MSI2: variants seen among roughly 807,000 people sequenced by gnomAD.
The protein encoded by MSI2 is RNA-binding protein Musashi homolog 2.
A neutral mutation model predicts 45.6 loss-of-function variants in MSI2; 17 were observed. The ratio of observed to expected loss-of-function variants is 0.37; its 90% CI spans 0.26 to 0.56. MSI2 has a LOEUF of 0.56. Among genes scored for constraint, MSI2 ranks in the 20% least tolerant of loss-of-function variants. The probability of loss-of-function intolerance (pLI) is 0.77; values close to 1 mark genes in which losing one functional copy is unlikely to be tolerated. For missense variants in MSI2, 293 were observed against 444.2 expected (o/e 0.66, Z 3.06); for synonymous variants, 156 against 158.2 (o/e 0.99, Z 0.11).
chr17:57,464,801 C>T (rs550598570), intron 6 of MSI2, among the ~76,000 whole-genome samples: 7 of 152,336 alleles, frequency 4.6e-5, no homozygotes, highest in African/African-American at 1.7e-4. Flanking sequence ...CTGGCTTCAG[C>T]TTGGCCAGAA....
At chr17:57,442,028 A>G (rs540808667) in intron 6 of MSI2, among the ~76,000 whole-genome samples, 6 of 147,596 alleles carry the variant, frequency 4.1e-5, no homozygotes, top group Non-Finnish European at 5.9e-5. Flanking sequence ...GGTCCTGTAC[A>G]TCAACACAGC....
intron 5 of MSI2, among the ~76,000 whole-genome samples, chr17:57,341,179 T>C (rs1915114719): frequency 6.6e-6 from 1 of 151,998 alleles, no homozygotes; most frequent in Non-Finnish European, 1.5e-5. Context: ...GGAGGTCAAG[T>C]CAGGACAGAG....
intron 5 of MSI2, among the ~76,000 whole-genome samples, chr17:57,293,130 G>A (rs2143477606): frequency 6.6e-6 from 1 of 151,964 alleles, no homozygotes; most frequent in Admixed American, 6.5e-5. Flanking sequence ...AAAAAAGTCA[G>A]TCGACTTGGT....
In MSI2 at chr17:57,502,621, A is replaced by G. The variant is rs899240951; in HGVS notation, c.406-27055A>G. Reference sequence around the variant, plus strand: ...CTCTGAGATATATATATATATATATATATATATATATATATAGTCATCATT... The same window carrying G: ...CTCTGAGATATATATATATATATATGTATATATATATATATAGTCATCATT... On this transcript the variant is annotated intron_variant, in intron 6 of 13. Coordinates refer to ENST00000284073, the MANE Select transcript of MSI2 (RefSeq NM_138962.4). Among the ~76,000 whole-genome samples, 25 of 121,566 alleles carry G rather than the reference A, an allele frequency of 2.1e-4. 1 individual carries two copies. The highest frequency in any genetic ancestry group is 7.5e-4 in the African/African-American group (25 of 33,188). The allele number at this position is 121,566 out of a possible 152,430, so 79.8% of individuals were successfully genotyped here.
chr17:57,333,695 G>A (rs1054838319), intron 5 of MSI2, among the ~76,000 whole-genome samples: 4 of 151,644 alleles, frequency 2.6e-5, no homozygotes, highest in Admixed American at 1.3e-4. Context: ...GCTGGCCTCC[G>A]CCTCCCAAAG....
intron 7 of MSI2, among the ~76,000 whole-genome samples, chr17:57,570,000 C>T (rs895289870): frequency 6.6e-6 from 1 of 152,246 alleles, no homozygotes; most frequent in Admixed American, 6.5e-5. Context: ...CGAGCCACGG[C>T]TGACACACAC....
Position 57,612,535 on chromosome 17 carries a change from A to G in MSI2, c.538-3435A>G, listed in dbSNP as rs1396713479. 7.0e-5 allele frequency among the ~76,000 whole-genome samples: 2 copies of G among 28,374 alleles called. 1 individual carries two copies. Among genetic ancestry groups the G allele is most frequent in the African/African-American group, 1.7e-4 (2 of 11,844 alleles). 18.6% of individuals were successfully genotyped at this position (28,374 alleles called of 152,430 possible). On this transcript the variant is annotated intron_variant, in intron 8 of 13. Coordinates refer to ENST00000284073, the MANE Select transcript of MSI2 (RefSeq NM_138962.4). ...CAGGCCAGGGTCCCCTGGAGAGTGT[A>G]TGCGCCATGGCCCCTGGCCTTGGGG...
intron 5 of MSI2, among the ~76,000 whole-genome samples, chr17:57,314,105 G>T (rs1340104912): frequency 2.0e-5 from 3 of 152,098 alleles, no homozygotes; most frequent in African/African-American, 7.2e-5. Context: ...CTCCCTCCGT[G>T]GCTTCTAGAT....
intron 7 of MSI2, among the ~76,000 whole-genome samples, chr17:57,589,448 G>A (rs1904618383): frequency 1.3e-5 from 2 of 152,218 alleles, no homozygotes; most frequent in Admixed American, 6.5e-5. Flanking sequence ...ACTTCCAGGT[G>A]GGGCCTCAGA....
intron 5 of MSI2, among the ~76,000 whole-genome samples, chr17:57,356,696 A>T (rs1441607852): frequency 6.6e-6 from 1 of 152,208 alleles, no homozygotes; most frequent in Non-Finnish European, 1.5e-5. Context: ...TTTTATGCCT[A>T]AATCATTTTC....
At chr17:57,312,260 CA>C (rs1912462283) in intron 5 of MSI2, among the ~76,000 whole-genome samples, 1 of 152,352 alleles carries the variant, frequency 6.6e-6, no homozygotes, top group Non-Finnish European at 1.5e-5. Context: ...GGCAACTTTG[CA>C]GGAAGGAAAG....
At position 57,483,268 on chromosome 17, in the gene MSI2, T is replaced by TA. The variant is rs371808343; in HGVS notation, c.406-46395dup. On this transcript the variant is annotated intron_variant, in intron 6 of 13. Coordinates refer to ENST00000284073, the MANE Select transcript of MSI2 (RefSeq NM_138962.4). ...CTTTACTTTTTTAATAAACTTGCCT[T>TA]AAAAAAAAAAAAAGAAAACATGCTA... is the stretch of plus-strand genomic sequence containing the variant. Among the ~76,000 whole-genome samples the TA allele has an allele frequency of 4.8e-3, 727 of 150,352 alleles. 7 individuals carry two copies. Among genetic ancestry groups the TA allele is most frequent in the African/African-American group, 0.016 (671 of 40,708 alleles).
At chr17:57,607,826 C>T (rs955350821) in intron 8 of MSI2, among the ~76,000 whole-genome samples, 4 of 152,084 alleles carry the variant, frequency 2.6e-5, no homozygotes, top group Non-Finnish European at 4.4e-5. Flanking sequence ...ACAGGCACGT[C>T]GCTTGGTGAA....
At chr17:57,435,725 C>T (rs777749435) in intron 6 of MSI2, among the ~76,000 whole-genome samples, 24 of 152,246 alleles carry the variant, frequency 1.6e-4, no homozygotes, top group Non-Finnish European at 2.5e-4. Flanking sequence ...TGCTGTCTCA[C>T]GTAAGTCTCC....
intron 6 of MSI2, among the ~76,000 whole-genome samples, chr17:57,409,653 AG>A (rs1162078217): frequency 2.0e-5 from 3 of 152,016 alleles, no homozygotes; most frequent in Non-Finnish European, 4.4e-5. Context: ...AATCTGATGG[AG>A]GGGCTGTTAC....
chr17:57,651,460 T>C (rs1242887848), intron 10 of MSI2, among the ~76,000 whole-genome samples: 1 of 152,004 alleles, frequency 6.6e-6, no homozygotes, highest in Non-Finnish European at 1.5e-5. Flanking sequence ...CTCCCTTCCC[T>C]ATCTGGCTCC....
At chr17:57,334,348 A>G (rs994745066) in intron 5 of MSI2, among the ~76,000 whole-genome samples, 1 of 152,196 alleles carries the variant, frequency 6.6e-6, no homozygotes, top group Non-Finnish European at 1.5e-5. Context: ...GTGGTGATTA[A>G]AAATGGCAAG....
chr17:57,295,427 A>T (rs1347643041), intron 5 of MSI2, among the ~76,000 whole-genome samples: 3 of 152,142 alleles, frequency 2.0e-5, no homozygotes, highest in Non-Finnish European at 4.4e-5. Flanking sequence ...AGCATTTTAC[A>T]CAAATAAGAA....
Position 57,680,150 on chromosome 17 carries a change from A to T in MSI2, c.*633A>T. On this transcript the variant is annotated 3_prime_UTR_variant, in exon 14 of 14. Transcript: ENST00000284073. Reference sequence around the variant, plus strand: ...TATTTTGCGTTGTAGAAGAAGTGAGATGTAGTAAGCTAATTAACAGACTTT... The same window carrying T: ...TATTTTGCGTTGTAGAAGAAGTGAGTTGTAGTAAGCTAATTAACAGACTTT... 1 of 228,586 alleles carries T rather than the reference A, an allele frequency of 4.4e-6. No homozygotes were observed. Among genetic ancestry groups the T allele is most frequent in the Non-Finnish European group, 8.7e-6 (1 of 115,096 alleles). The allele number at this position is 228,586 out of a possible 1,614,324, so 14.2% of individuals were successfully genotyped here.
Sources: allele counts gnomAD v4.1 joint callset (sites outside exome capture counted in the v4.1 genomes callset), GRCh38; gene constraint gnomAD v4.1.1; transcripts MANE v1.5; gene names NCBI Gene and HGNC (gene_info 2026-07-23, HGNC 2026-07-21).